The following EXOC6 variants were observed in gnomAD, a reference collection of about 807,000 sequenced individuals.
EXOC6 encodes SEC15-like 1.
EXOC6 carries 60 observed loss-of-function variants against 112.5 expected under a neutral mutation model. The ratio of observed to expected loss-of-function variants is 0.53; its 90% confidence interval spans 0.43 to 0.66. EXOC6 has a LOEUF of 0.66. EXOC6 is among the 30% of genes least tolerant of loss of function. The probability of loss-of-function intolerance (pLI) is 0.00; values close to 1 mark genes in which losing one functional copy is unlikely to be tolerated. For synonymous variants in EXOC6, 295 were observed against 308.0 expected, an observed-to-expected ratio of 0.96 and a Z score of 0.44; for missense variants, 855 against 957.1, an observed-to-expected ratio of 0.89 and a Z score of 1.41.
At chr10:92,902,265 T>C (rs1850217866) in intron 5 of EXOC6, among the ~76,000 whole-genome samples, 1 of 152,164 alleles carries the variant, frequency 6.6e-6, no homozygotes, top group South Asian at 2.1e-4. Flanking sequence ...TCCTTTAATC[T>C]CATAATATCC....
At chr10:92,936,037 AC>A in intron 12 of EXOC6, 152 bp downstream of exon 12, 1 of 564,190 alleles carries the variant, frequency 1.8e-6, no homozygotes. Flanking sequence ...ATTACCCAGG[AC>A]TATTCATACC....
intron 17 of EXOC6, among the ~76,000 whole-genome samples, chr10:92,961,207 T>C (rs1329207717): frequency 6.6e-6 from 1 of 152,216 alleles, no homozygotes; most frequent in Non-Finnish European, 1.5e-5. Context: ...ACGCCTTGAC[T>C]GATTAATTGC....
At chr10:92,933,825 C>T (rs1182617036) in intron 9 of EXOC6, among the ~76,000 whole-genome samples, 3 of 151,964 alleles carry the variant, frequency 2.0e-5, no homozygotes, top group Non-Finnish European at 2.9e-5. Flanking sequence ...AGGGGACAGG[C>T]TGGAAGTTGG....
At chr10:92,984,442 G>T (rs1842929155) in intron 18 of EXOC6, among the ~76,000 whole-genome samples, 1 of 152,110 alleles carries the variant, frequency 6.6e-6, no homozygotes, top group Admixed American at 6.5e-5. Flanking sequence ...TAGAATTGGG[G>T]CATAGCTGTT....
chr10:92,951,832 G>T (rs766710798), intron 14 of EXOC6, among the ~76,000 whole-genome samples: 1 of 152,112 alleles, frequency 6.6e-6, no homozygotes, highest in East Asian at 1.9e-4. Flanking sequence ...TCTTGAATTG[G>T]CATCAAGCCT....
chr10:92,885,656 C>T (rs148410425), intron 1 of EXOC6, among the ~76,000 whole-genome samples: 36 of 152,240 alleles, frequency 2.4e-4, no homozygotes, highest in Non-Finnish European at 4.7e-4. Context: ...GGATTACAGG[C>T]GTGAGCCACT....
At chr10:92,855,989 C>T (rs1250260209) in intron 1 of EXOC6, among the ~76,000 whole-genome samples, 1 of 152,020 alleles carries the variant, frequency 6.6e-6, no homozygotes, top group East Asian at 1.9e-4. Context: ...TTCAGCCTCT[C>T]GACTAGCTGG....
chr10:92,947,647 C>T (rs989852792), intron 13 of EXOC6, among the ~76,000 whole-genome samples: 4 of 152,210 alleles, frequency 2.6e-5, no homozygotes, highest in East Asian at 1.9e-4. Flanking sequence ...CAGTGGCTCA[C>T]GCCTGTAATC....
chr10:93,037,589 G>A (rs1845569551), intron 20 of EXOC6, among the ~76,000 whole-genome samples: 1 of 151,822 alleles, frequency 6.6e-6, no homozygotes, highest in Admixed American at 6.6e-5. Flanking sequence ...ACAGGCACGT[G>A]CCACCACACC....
chr10:93,047,807 G>A (rs1479729548), intron 20 of EXOC6, among the ~76,000 whole-genome samples: 2 of 151,972 alleles, frequency 1.3e-5, no homozygotes, highest in African/African-American at 2.4e-5. Context: ...TTAGCTGGGT[G>A]TGGTGGCGTG....
At chr10:93,042,274 G>A (rs776966468) in intron 20 of EXOC6, among the ~76,000 whole-genome samples, 1 of 152,126 alleles carries the variant, frequency 6.6e-6, no homozygotes, top group South Asian at 2.1e-4. Context: ...CTCAGTTTGG[G>A]TGTCATCTAA....
At chr10:92,866,032 A>G (rs1341014591) in intron 1 of EXOC6, among the ~76,000 whole-genome samples, 1 of 152,138 alleles carries the variant, frequency 6.6e-6, no homozygotes, top group Non-Finnish European at 1.5e-5. Context: ...GCAAAGGCAG[A>G]AGAAAATTGT....
At chr10:92,883,023 G>A (rs1463670340) in intron 1 of EXOC6, among the ~76,000 whole-genome samples, 5 of 152,190 alleles carry the variant, frequency 3.3e-5, no homozygotes, top group African/African-American at 4.8e-5. Flanking sequence ...GTAGGGCAAC[G>A]TTCTGCATCT....
At chr10:92,833,846 G>A (rs953679851), upstream of EXOC6, among the ~76,000 whole-genome samples, 6 of 151,922 alleles carry the variant, frequency 3.9e-5, no homozygotes, top group Non-Finnish European at 5.9e-5. Flanking sequence ...AGTTCTTTAG[G>A]CCTACTTGGG....
At position 92,841,981 on chromosome 10, in the gene EXOC6, G is replaced by T. The variant is rs140458139; in HGVS notation, c.86+7157G>T. 5.3e-3 allele frequency among the ~76,000 whole-genome samples: 812 copies of T among 152,228 alleles called. 4 individuals are homozygous for T. Among genetic ancestry groups the T allele is most frequent in the African/African-American group, 0.017 (705 of 41,522 alleles). ...GTTGATACAGCAAGATCAAGATCTGGAAAGTCCATGCTCACAGGGAGCTTG... is the reference window on the plus strand; with the variant it reads ...GTTGATACAGCAAGATCAAGATCTGTAAAGTCCATGCTCACAGGGAGCTTG... On this transcript the variant is annotated intron_variant, in intron 1 of 21. Transcript: ENST00000371552.
upstream of EXOC6, among the ~76,000 whole-genome samples, chr10:92,830,277 AG>A (rs1185670375): frequency 3.9e-5 from 6 of 152,154 alleles, no homozygotes; most frequent in Admixed American, 3.9e-4. Context: ...CTGGGAATCT[AG>A]TCCTGGTGAT....
At chr10:93,018,395 A>T (rs1162014504) in intron 20 of EXOC6, among the ~76,000 whole-genome samples, 1 of 152,226 alleles carries the variant, frequency 6.6e-6, no homozygotes, top group East Asian at 1.9e-4. Flanking sequence ...TCAAAAAAAC[A>T]TTAGAATATA....
chr10:92,987,150 T>G (rs1843041231), intron 18 of EXOC6, among the ~76,000 whole-genome samples: 1 of 152,200 alleles, frequency 6.6e-6, no homozygotes, highest in African/African-American at 2.4e-5. Context: ...TGGGAAGAGC[T>G]TCTTGTTAAA....
In EXOC6 at chr10:92,974,184, C is replaced by T. The variant is rs1247478163; in HGVS notation, c.1905C>T (p.Asp635=). The T allele has an allele frequency of 1.3e-6, 2 of 1,581,410 alleles. No individual in the cohort carries two copies. The highest frequency in any genetic ancestry group is 1.7e-6 in the Non-Finnish European group (2 of 1,172,070). ...GAAGAGCTAGTGGTTATTTAATGGA[C>T]CTTATAAATTTTTTGAGAAGCATCT... The part of the protein sequence containing the change: ...PDGRASGYLM[D]LINFLRSIFQ... Residue 635 remains aspartate, a synonymous_variant, in exon 18 of 22, where the codon GAC becomes GAT. Transcript: ENST00000260762.
Sources: gnomAD v4.1 joint callset for allele counts (sites outside exome capture counted in the v4.1 genomes callset) on GRCh38, gnomAD v4.1.1 for gene constraint, MANE v1.5 for transcripts, NCBI Gene and HGNC (gene_info 2026-07-23, HGNC 2026-07-21) for gene names.